MICU3: variants seen among roughly 807,000 people sequenced by gnomAD.
MICU3 encodes the protein mitochondrial calcium uptake 3.
In MICU3, 62 loss-of-function variants were observed where a neutral mutation model predicts 66.5. That is an observed-to-expected ratio of 0.93 (90% CI 0.76 to 1.15). The LOEUF (loss-of-function observed/expected upper bound fraction) is 1.15. MICU3 is among the 50% of genes most tolerant of loss of function. The pLI, the probability that MICU3 is intolerant of heterozygous loss-of-function variation, is 0.00. For missense variants in MICU3, 779 were observed against 664.4 expected (o/e 1.17, Z -1.90); for synonymous variants, 308 against 240.7 (o/e 1.28, Z -2.59).
intron 8 of MICU3, among the ~76,000 whole-genome samples, chr8:17,096,418 A>G (rs1201807787): frequency 6.6e-6 from 1 of 151,886 alleles, no homozygotes; most frequent in African/African-American, 2.4e-5. Context: ...TATTCTGAGA[A>G]TGTGCTCTTA....
At chr8:17,067,903 C>G (rs889137402) in intron 2 of MICU3, among the ~76,000 whole-genome samples, 10 of 124,844 alleles carry the variant, frequency 8.0e-5, no homozygotes, top group African/African-American at 3.3e-4. Flanking sequence ...AATTATAGAT[C>G]AAATAAATGT....
chr8:17,108,855 C>T (rs545633187), intron 11 of MICU3, among the ~76,000 whole-genome samples: 168 of 152,118 alleles, frequency 1.1e-3, no homozygotes, highest in Non-Finnish European at 3.7e-4. Flanking sequence ...ACACACACTG[C>T]TCCCTCATTA....
chr8:17,082,685 TTGTGGAGATA>T (rs1414550514), intron 5 of MICU3, among the ~76,000 whole-genome samples: 1 of 152,056 alleles, frequency 6.6e-6, no homozygotes, highest in Non-Finnish European at 1.5e-5. Flanking sequence ...GAATTTCCAG[TTGTGGAGATA>T]TGTGGAGATG....
chr8:17,132,518 T>C, the MICU3 span: 1 of 152,236 alleles, frequency 6.6e-6, no homozygotes, highest in African/African-American at 2.4e-5. Context: ...ACAGACATAG[T>C]CTTCCTTGCC....
intron 1 of MICU3, among the ~76,000 whole-genome samples, chr8:17,047,667 A>G (rs1452158411): frequency 6.6e-6 from 1 of 152,242 alleles, no homozygotes; most frequent in East Asian, 1.9e-4. Flanking sequence ...ACAGTGGGCT[A>G]TATCTTCAAA....
the MICU3 span, among the ~76,000 whole-genome samples, chr8:17,134,653 C>A: frequency 1.3e-5 from 2 of 152,120 alleles, no homozygotes; most frequent in African/African-American, 4.8e-5. Flanking sequence ...ACCATGTTAG[C>A]CAGGATGGTC....
At chr8:17,099,040 G>T (rs965073135) in intron 9 of MICU3, among the ~76,000 whole-genome samples, 3 of 151,622 alleles carry the variant, frequency 2.0e-5, no homozygotes, top group Non-Finnish European at 4.4e-5. Flanking sequence ...GATTGCCAGT[G>T]CATAGTGAAA....
rs1311688554 is a variant in MICU3 at position 17,092,315 on chromosome 8, C to T, written c.888+1731C>T. 2.6e-5 allele frequency among the ~76,000 whole-genome samples: 4 copies of T among 151,892 alleles called. No individual in the cohort carries two copies. The East Asian group carries it at 7.8e-4, about 30-fold the overall frequency. On this transcript the variant is annotated intron_variant, in intron 8 of 14. Transcript: ENST00000318063. ...CATTTTTTTTTAGAAAAATACGTCT[C>T]AGAATAACGTTGCTAAAAGAAAATA...
At chr8:17,103,523 G>C (rs889160822) in intron 9 of MICU3, among the ~76,000 whole-genome samples, 1 of 151,574 alleles carries the variant, frequency 6.6e-6, no homozygotes, top group Non-Finnish European at 1.5e-5. Flanking sequence ...ATAGTCCTTT[G>C]AATTTTATGC....
At chr8:17,131,264 C>A in the MICU3 span, 3 of 152,138 alleles carry the variant, frequency 2.0e-5, no homozygotes, top group African/African-American at 4.8e-5. Context: ...ATAGAGCTTT[C>A]CCCCTACTAG....
intron 8 of MICU3, among the ~76,000 whole-genome samples, chr8:17,090,935 T>C (rs1239842387): frequency 3.9e-5 from 6 of 152,116 alleles, no homozygotes; most frequent in African/African-American, 1.2e-4. Flanking sequence ...AACACAGGTA[T>C]TTTATGAACC....
intron 6 of MICU3, among the ~76,000 whole-genome samples, chr8:17,085,669 A>G (rs1799395496): frequency 6.6e-6 from 1 of 152,048 alleles, no homozygotes; most frequent in Admixed American, 6.6e-5. Flanking sequence ...AACTCCTTCC[A>G]TAGGAACTTC....
intron 8 of MICU3, among the ~76,000 whole-genome samples, chr8:17,094,174 C>T (rs1274232194): frequency 6.6e-6 from 1 of 151,914 alleles, no homozygotes; most frequent in Non-Finnish European, 1.5e-5. Flanking sequence ...GTTTCTGTCT[C>T]GTTTCTTGGA....
At chr8:17,058,431 A>T (rs1238897135) in intron 1 of MICU3, among the ~76,000 whole-genome samples, 1 of 152,218 alleles carries the variant, frequency 6.6e-6, no homozygotes, top group Non-Finnish European at 1.5e-5. Context: ...AAAGGTCCAG[A>T]ACATGAACGT....
At chr8:17,052,475 A>G (rs193159256) in intron 1 of MICU3, among the ~76,000 whole-genome samples, 134 of 152,168 alleles carry the variant, frequency 8.8e-4, no homozygotes, top group African/African-American at 3.1e-3. Context: ...CTGTGTTTGT[A>G]CTCATTAACC....
intron 2 of MICU3, among the ~76,000 whole-genome samples, chr8:17,069,178 C>G (rs1819170628): frequency 6.6e-6 from 1 of 152,056 alleles, no homozygotes; most frequent in Non-Finnish European, 1.5e-5. Context: ...ATCACTTTGC[C>G]TAGCCTCCCT....
At chr8:17,051,719 C>T (rs116242276) in intron 1 of MICU3, among the ~76,000 whole-genome samples, 8 of 152,176 alleles carry the variant, frequency 5.3e-5, no homozygotes, top group African/African-American at 1.9e-4. Flanking sequence ...GATTTAGCAA[C>T]AAGGAGGTCA....
intron 1 of MICU3, among the ~76,000 whole-genome samples, chr8:17,041,694 C>G (rs1229958245): frequency 6.6e-6 from 1 of 151,444 alleles, no homozygotes; most frequent in Non-Finnish European, 1.5e-5. Context: ...GTGATAAGGA[C>G]CCAGGTGGGA....
At chr8:17,032,482 A>G (rs1194436140) in intron 1 of MICU3, among the ~76,000 whole-genome samples, 1 of 152,220 alleles carries the variant, frequency 6.6e-6, no homozygotes, top group Non-Finnish European at 1.5e-5. Flanking sequence ...TTCGCCTTAA[A>G]AAGCTTCAAG....
Sources: gnomAD v4.1 joint callset for allele counts (sites outside exome capture counted in the v4.1 genomes callset) on GRCh38, gnomAD v4.1.1 for gene constraint, MANE v1.5 for transcripts, NCBI Gene and HGNC (gene_info 2026-07-23, HGNC 2026-07-21) for gene names.